The following TDRD1 variants were observed in gnomAD, a reference collection of about 807,000 sequenced individuals.
The protein encoded by TDRD1 is tudor domain-containing protein 1.
Under a neutral mutation model 140.6 loss-of-function variants are expected in TDRD1, and 37 were observed. That is an observed-to-expected ratio of 0.26 (90% confidence interval 0.20 to 0.35). The LOEUF is 0.35. Ranked by LOEUF, TDRD1 falls within the 10% of genes least tolerant of loss-of-function variation. The pLI is 1.00. For synonymous variants in TDRD1, 506 were observed against 475.7 expected (o/e 1.06, Z -0.83); for missense variants, 1,243 against 1,393.0 (o/e 0.89, Z 1.71).
At chr10:114,226,918 A>G (rs144293110) in intron 22 of TDRD1, among the ~76,000 whole-genome samples, 154 bp from the exon 23 acceptor site, 3,851 of 152,308 alleles carry the variant, frequency 0.025, 68 homozygotes, top group Non-Finnish European at 0.038. Flanking sequence ...TATTGAATAA[A>G]TTTGTCTTTT....
chr10:114,222,599 A>G, exon 21 of TDRD1: 1 of 1,606,802 alleles, frequency 6.2e-7, no homozygotes, highest in Admixed American at 1.7e-5. Context: ...AATCAGGAAA[A>G]GCTGTGCATG....
At chr10:114,191,983 T>A (rs952348728) in intron 3 of TDRD1, among the ~76,000 whole-genome samples, 7 of 152,210 alleles carry the variant, frequency 4.6e-5, no homozygotes, top group African/African-American at 1.7e-4. Context: ...ATGATAAACA[T>A]CTTTTCATGT....
At chr10:114,175,995 T>C (rs987646704), upstream of TDRD1, among the ~76,000 whole-genome samples, 1 of 152,146 alleles carries the variant, frequency 6.6e-6, no homozygotes, top group African/African-American at 2.4e-5. Flanking sequence ...TAGAACTCCA[T>C]GTAATAATTG....
At chr10:114,196,663 T>C (rs542318122) in intron 3 of TDRD1, among the ~76,000 whole-genome samples, 6 of 151,272 alleles carry the variant, frequency 4.0e-5, no homozygotes, top group Admixed American at 2.0e-4. Context: ...TTTAAAAATT[T>C]CCCCCCCCAT....
chr10:114,197,661 C>CTTTTTTTTTT, intron 3 of TDRD1, among the ~76,000 whole-genome samples: 1 of 134,198 alleles, frequency 7.5e-6, no homozygotes. Context: ...TATTATGAGA[C>CTTTTTTTTTT]TTTTTTTTTT....
intron 17 of TDRD1, 117 bp downstream of exon 17, chr10:114,217,772 A>G: frequency 1.6e-6 from 1 of 613,144 alleles, no homozygotes; most frequent in Non-Finnish European, 2.9e-6. Context: ...CCAAGAATGA[A>G]TGAATGCTTA....
intron 16 of TDRD1, among the ~76,000 whole-genome samples, chr10:114,216,367 G>A (rs2035815004): frequency 1.3e-5 from 2 of 152,084 alleles, no homozygotes; most frequent in African/African-American, 4.8e-5. Flanking sequence ...ACATCTAGTT[G>A]CTCCACATCC....
chr10:114,226,149 C>G, exon 22 of TDRD1: 1 of 1,613,952 alleles, frequency 6.2e-7, no homozygotes, highest in Non-Finnish European at 8.5e-7. Context: ...TGCCTCTTTG[C>G]AGAGTGCAAC....
chr10:114,204,961 A>G (rs2035006281), intron 10 of TDRD1, 68 bp downstream of exon 10: 1 of 1,397,660 alleles, frequency 7.2e-7, no homozygotes, highest in Non-Finnish European at 9.5e-7. Flanking sequence ...CTCAGAAGAA[A>G]CGGAAACATC....
At chr10:114,216,976 T>C (rs557179139) in intron 16 of TDRD1, among the ~76,000 whole-genome samples, 64 of 152,318 alleles carry the variant, frequency 4.2e-4, no homozygotes, top group Admixed American at 1.8e-3. Flanking sequence ...CTCCAATGTC[T>C]CTCTCCAGTG....
At chr10:114,225,118 C>T (rs756630166) in intron 21 of TDRD1, among the ~76,000 whole-genome samples, 1 of 152,192 alleles carries the variant, frequency 6.6e-6, no homozygotes, top group Non-Finnish European at 1.5e-5. Flanking sequence ...CTCTGCCTCA[C>T]GTTCTCCAGT....
intron 19 of TDRD1, 32 bp from the exon 20 acceptor site, chr10:114,221,325 C>G (rs1171416409): frequency 1.3e-6 from 2 of 1,595,864 alleles, no homozygotes; most frequent in South Asian, 2.3e-5. Flanking sequence ...TTTTTTTATT[C>G]CGTGTGAGAC....
At chr10:114,229,547 C>CTTT (rs34051507) in intron 25 of TDRD1, among the ~76,000 whole-genome samples, 13 of 126,236 alleles carry the variant, frequency 1.0e-4, no homozygotes, top group African/African-American at 2.4e-4. Flanking sequence ...ATCTTTTAAT[C>CTTT]TTTTTTTTTT....
chr10:114,178,842 T>C (rs2032790865), upstream of TDRD1, among the ~76,000 whole-genome samples: 1 of 145,136 alleles, frequency 6.9e-6, no homozygotes, highest in Non-Finnish European at 1.5e-5. Context: ...GGTTCCCTTA[T>C]GAAATTGTTA....
In TDRD1 at chr10:114,201,748, T is replaced by G. The variant is rs867668467; in HGVS notation, c.635+233T>G. ...ACCTTCAAAGAGTTTTTCTTTCATG[T>G]TTAGAGCTTTAGAATGCCTTACTTT... On this transcript the variant is annotated intron_variant, in intron 5 of 25. Transcript: ENST00000251864. Among the ~76,000 whole-genome samples the G allele has an allele frequency of 7.9e-5, 12 of 152,322 alleles. No individual in the cohort carries two copies. The South Asian group carries it at 1.5e-3, about 18-fold the overall frequency.
At chr10:114,192,292 CTTTTTTTTTTTTT>C (rs938140798) in intron 3 of TDRD1, among the ~76,000 whole-genome samples, 13 of 75,110 alleles carry the variant, frequency 1.7e-4, no homozygotes, top group Admixed American at 2.9e-4. Context: ...GATAGTTTTC[CTTTTTTTTTTTTT>C]TTTTTTTTTT....
At chr10:114,226,254 G>T in intron 22 of TDRD1, 38 bp downstream of exon 22, 1 of 1,502,220 alleles carries the variant, frequency 6.7e-7, no homozygotes, top group Non-Finnish European at 9.0e-7. Context: ...AGGTTTCTGG[G>T]TATTTTTTTT....
At chr10:114,212,361 A>G (rs1233205215) in intron 14 of TDRD1, among the ~76,000 whole-genome samples, 2 of 152,198 alleles carry the variant, frequency 1.3e-5, no homozygotes, top group Admixed American at 6.5e-5. Context: ...ACATTCCCAC[A>G]GGTGGAACAG....
intron 21 of TDRD1, 119 bp downstream of exon 21, chr10:114,222,822 TAAGG>T (rs1486318886): frequency 2.7e-5 from 16 of 595,278 alleles, no homozygotes; most frequent in African/African-American, 5.7e-5. Context: ...GGAGAGAAAT[TAAGG>T]AAGGCAGTGT....
Sources: gnomAD v4.1 joint callset for allele counts (sites outside exome capture counted in the v4.1 genomes callset) on GRCh38, gnomAD v4.1.1 for gene constraint, MANE v1.5 for transcripts, NCBI Gene and HGNC (gene_info 2026-07-23, HGNC 2026-07-21) for gene names.